The following CBLL1 variants were observed in gnomAD, a reference collection of about 807,000 sequenced individuals.
The protein encoded by CBLL1 is E3 ubiquitin-protein ligase Hakai.
In CBLL1, 4 loss-of-function variants were observed where a neutral mutation model predicts 44.9. That is an observed-to-expected ratio of 0.09 (90% CI 0.04 to 0.20). The LOEUF (loss-of-function observed/expected upper bound fraction) is 0.20, where lower values mean the gene tolerates loss of function less well. Ranked by LOEUF, CBLL1 falls within the 10% of genes least tolerant of loss-of-function variation. The pLI is 1.00. For missense variants in CBLL1, 569 were observed against 636.7 expected, an observed-to-expected ratio of 0.89 and a Z score of 1.14; for synonymous variants, 235 against 202.2, an observed-to-expected ratio of 1.16 and a Z score of -1.38.
intron 3 of CBLL1, 91 bp downstream of exon 3, chr7:107,753,602 A>G (rs1371044664): frequency 3.1e-6 from 2 of 649,188 alleles, no homozygotes; most frequent in African/African-American, 1.9e-5. Flanking sequence ...TGCACAGTAC[A>G]TTAAGAATAT....
intron 2 of CBLL1, among the ~76,000 whole-genome samples, chr7:107,751,669 C>T (rs377095476): frequency 6.5e-4 from 99 of 152,250 alleles, no homozygotes; most frequent in African/African-American, 2.2e-3. Context: ...TAAAACAACA[C>T]GTTAGTGTAC....
At chr7:107,755,390 C>CTTTGT in intron 4 of CBLL1, 28 bp from the exon 5 acceptor site, 1 of 1,362,608 alleles carries the variant, frequency 7.3e-7, no homozygotes, top group Non-Finnish European at 1.0e-6. Context: ...TTCTAATATG[C>CTTTGT]TTAACTGTAA....
In CBLL1 at chr7:107,761,128, T is replaced by C. The variant is rs989593572; in HGVS notation, c.*1950T>C. The C allele has an allele frequency of 1.4e-4, 22 of 152,126 alleles. No individual in the cohort carries two copies. Among genetic ancestry groups the C allele is most frequent in the African/African-American group, 5.1e-4 (21 of 41,426 alleles). The allele number at this position is 152,126 out of a possible 1,614,324, so 9.4% of individuals were successfully genotyped here. A position where few individuals can be genotyped will look rare whatever the true frequency, so the allele number is the denominator to read the frequency against. ...GCTATTAAAATATTACTGTTAAAAA[T>C]CCAAACCATTCTTTGTTCCATGTAA... On this transcript the variant is annotated 3_prime_UTR_variant, in exon 6 of 6. Coordinates refer to ENST00000440859, the MANE Select transcript of CBLL1 (RefSeq NM_024814.4).
chr7:107,749,331 A>G lies in CBLL1; in HGVS notation c.181+284A>G, dbSNP rs80076024. The G allele has an allele frequency of 0.011, 2,334 of 215,688 alleles. 54 individuals carry two copies. Among genetic ancestry groups the G allele is most frequent in the African/African-American group, 0.05 (2,190 of 44,038 alleles). The allele number at this position is 215,688 out of a possible 1,614,324, so 13.4% of individuals were successfully genotyped here. On this transcript the variant is annotated intron_variant, in intron 2 of 5. Transcript: ENST00000440859. The stretch of plus-strand genomic sequence containing the variant: ...AAAAGTAAAATCCTTCTATCCAAAG[A>G]TAATCCCTGTTGACTTTTTTATACA...
intron 2 of CBLL1, chr7:107,752,454 G>C: frequency 2.0e-6 from 1 of 507,608 alleles, no homozygotes; most frequent in South Asian, 1.6e-5. Context: ...CTCTGTGTGT[G>C]TGTGTGTGTG....
chr7:107,745,999 A>C (rs1048703247), intron 1 of CBLL1, among the ~76,000 whole-genome samples: 3 of 152,210 alleles, frequency 2.0e-5, no homozygotes, highest in African/African-American at 7.2e-5. Context: ...TATAGCTGGT[A>C]TTTTAAAGCA....
chr7:107,759,208 G>A lies in CBLL1; in HGVS notation c.*30G>A. The A allele has an allele frequency of 6.5e-7, 1 of 1,533,978 alleles. No individual in the cohort carries two copies. Among genetic ancestry groups the A allele is most frequent in the Non-Finnish European group, 8.8e-7 (1 of 1,142,184 alleles). On this transcript the variant is annotated 3_prime_UTR_variant, in exon 6 of 6. Coordinates refer to ENST00000440859, the MANE Select transcript of CBLL1 (RefSeq NM_024814.4). ...AGTATTTTGAATGGAAGATATGAGG[G>A]GGAAAAAAACTTATGTGTAGTCAAT...
chr7:107,749,616 A>G (rs1793182855), intron 2 of CBLL1, among the ~76,000 whole-genome samples: 1 of 143,084 alleles, frequency 7.0e-6, no homozygotes, highest in Non-Finnish European at 1.5e-5. Flanking sequence ...TTTTTTTTTT[A>G]AGAGCAATTT....
chr7:107,751,180 T>A (rs1793272994), intron 2 of CBLL1, among the ~76,000 whole-genome samples: 2 of 152,136 alleles, frequency 1.3e-5, no homozygotes, highest in African/African-American at 4.8e-5. Flanking sequence ...GTTGCATTAG[T>A]TAGATTCTTG....
chr7:107,754,047 A>G, intron 4 of CBLL1, 69 bp downstream of exon 4: 2 of 968,898 alleles, frequency 2.1e-6, no homozygotes, highest in South Asian at 3.6e-5. Flanking sequence ...AAATTTAGAT[A>G]GGTTTATCAT....
Position 107,758,438 on chromosome 7 carries a change from C to A in CBLL1, c.736C>A (p.Gln246Lys). 6.2e-7 allele frequency: 1 copy of A among 1,614,156 alleles called. No individual in the cohort carries two copies. The highest frequency in any genetic ancestry group is 8.5e-7 in the Non-Finnish European group (1 of 1,180,032). The change falls in exon 6 of 6, where the codon CAA (glutamine) becomes AAA (lysine). Residue 246 changes from glutamine to lysine, a missense_variant. Gln to Lys is a moderately conservative substitution (Grantham distance 53). Transcript: ENST00000440859. This position sits in a 1 kb window ranked among gnomAD's most constrained non-coding sequence, Gnocchi z 4.2. Reference protein sequence around the residue: ...QHIMMPPPPLQHVPHEHYNQP... With the variant: ...QHIMMPPPPLKHVPHEHYNQP... ...CATCATGATGCCACCACCTCCTTTG[C>A]AACATGTGCCACATGAGCACTATAA...
At chr7:107,748,796 AG>A (rs1246703173) in intron 1 of CBLL1, 83 bp from the exon 2 acceptor site, 7 of 1,092,472 alleles carry the variant, frequency 6.4e-6, no homozygotes, top group Middle Eastern at 2.1e-4. Flanking sequence ...TGATAATGTT[AG>A]GTATGGTGTT....
intron 2 of CBLL1, chr7:107,752,616 A>G (rs1326723395): frequency 2.7e-5 from 35 of 1,277,486 alleles, no homozygotes; most frequent in Non-Finnish European, 3.6e-5. Flanking sequence ...GCTTTACTTT[A>G]GGTAATTGGA....
chr7:107,749,549 A>G (rs551133729), intron 2 of CBLL1, among the ~76,000 whole-genome samples: 28 of 151,552 alleles, frequency 1.8e-4, no homozygotes, highest in Admixed American at 5.3e-4. Flanking sequence ...ATTCTTGGAC[A>G]TACAGTTTAG....
rs995492112 is a variant in CBLL1 at position 107,761,637 on chromosome 7, TAAAAAC to T, written c.*2462_*2467del. 3 of 152,154 alleles carry T rather than the reference TAAAAAC, an allele frequency of 2.0e-5. No homozygotes were observed. Among genetic ancestry groups the T allele is most frequent in the African/African-American group, 7.2e-5 (3 of 41,446 alleles). The allele number at this position is 152,154 out of a possible 1,614,324, so 9.4% of individuals were successfully genotyped here. ...ACTACTGAGGTGGCAGTTTAATTCT[TAAAAAC>T]AATAAAATGGAAGCATAAATACTAT... is the stretch of plus-strand genomic sequence containing the variant. On this transcript the variant is annotated 3_prime_UTR_variant, in exon 6 of 6. Transcript: ENST00000440859.
At position 107,744,158 on chromosome 7, in the gene CBLL1, C is replaced by G. The variant is rs777187340; in HGVS notation, c.-6C>G. 1.9e-6 allele frequency: 3 copies of G among 1,554,206 alleles called. No individual in the cohort carries two copies. The highest frequency in any genetic ancestry group is 2.6e-6 in the Non-Finnish European group (3 of 1,148,602). On this transcript the variant is annotated 5_prime_UTR_variant, in exon 1 of 6. Coordinates refer to ENST00000440859, the MANE Select transcript of CBLL1 (RefSeq NM_024814.4). ...TCCGCTCCCACTGTGCTCTGCGAGCCGAATCATGGATCACACTGGTAAGGA... is the reference window on the plus strand; with the variant it reads ...TCCGCTCCCACTGTGCTCTGCGAGCGGAATCATGGATCACACTGGTAAGGA...
At chr7:107,752,965 A>T (rs1408532250) in intron 2 of CBLL1, among the ~76,000 whole-genome samples, 2 of 152,224 alleles carry the variant, frequency 1.3e-5, no homozygotes, top group African/African-American at 4.8e-5. Flanking sequence ...TCATTATGCT[A>T]TTGGCAATAC....
intron 2 of CBLL1, chr7:107,752,494 AGTCAT>A: frequency 1.1e-6 from 1 of 919,470 alleles, no homozygotes; most frequent in Non-Finnish European, 1.5e-6. Context: ...GCTGTAATTT[AGTCAT>A]GTGGGTAAAG....
rs1793665052 is a variant in CBLL1 at position 107,759,204 on chromosome 7, GA to G, written c.*27del. 6.5e-7 allele frequency: 1 copy of G among 1,540,824 alleles called. No homozygotes were observed. The highest frequency in any genetic ancestry group is 1.4e-5 in the African/African-American group (1 of 72,384). On this transcript the variant is annotated 3_prime_UTR_variant, in exon 6 of 6. Coordinates refer to ENST00000440859, the MANE Select transcript of CBLL1 (RefSeq NM_024814.4). ...TAATAGTATTTTGAATGGAAGATAT[GA>G]GGGGGAAAAAAACTTATGTGTAGTC...
Sources: allele counts gnomAD v4.1 joint callset (sites outside exome capture counted in the v4.1 genomes callset), GRCh38; gene constraint gnomAD v4.1.1; non-coding constraint Gnocchi (gnomAD v3.1); transcripts MANE v1.5; gene names NCBI Gene and HGNC (gene_info 2026-07-23, HGNC 2026-07-21).